The following ZNF385D variants were observed in gnomAD, a reference collection of about 807,000 sequenced individuals.
The protein encoded by ZNF385D is zinc finger protein 385D, also known as zinc finger protein 659.
A neutral mutation model predicts 35.8 loss-of-function variants in ZNF385D; 15 were observed. The observed-to-expected ratio is 0.42, with a 90% CI of 0.28 to 0.64. The LOEUF is 0.64. Among genes scored for constraint, ZNF385D ranks in the 30% least tolerant of loss-of-function variants. The pLI, the probability that ZNF385D is intolerant of heterozygous loss-of-function variation, is 0.23. For synonymous variants in ZNF385D, 212 were observed against 186.8 expected (o/e 1.13, Z -1.10); for missense variants, 474 against 494.6 (o/e 0.96, Z 0.39).
At chr3:22,083,320 A>T (rs1184348314) in intron 3 of ZNF385D, among the ~76,000 whole-genome samples, 2 of 152,214 alleles carry the variant, frequency 1.3e-5, no homozygotes, top group African/African-American at 4.8e-5. Context: ...CATCGCAAGG[A>T]AGGTAAAAAC....
intron 3 of ZNF385D, among the ~76,000 whole-genome samples, chr3:21,540,971 G>C (rs1379888529): frequency 2.0e-5 from 3 of 152,124 alleles, no homozygotes; most frequent in African/African-American, 7.2e-5. Context: ...ACAGATCCCA[G>C]AGGCAGTATT....
intron 3 of ZNF385D, among the ~76,000 whole-genome samples, chr3:21,540,459 C>A (rs2062145787): frequency 6.6e-6 from 1 of 152,144 alleles, no homozygotes; most frequent in South Asian, 2.1e-4. Flanking sequence ...AGAACTTCTA[C>A]CCAGCTGTAA....
rs1004235559 is a variant in ZNF385D, at chr3:21,499,345, G to C, written c.439+11516C>G. Among the ~76,000 whole-genome samples, 5 of 152,212 alleles carry C rather than the reference G, an allele frequency of 3.3e-5. No homozygotes were observed. In the South Asian group the frequency reaches 1.0e-3, roughly 32 times the overall value. On this transcript the variant is annotated intron_variant, in intron 4 of 7. Coordinates refer to ENST00000281523, the MANE Select transcript of ZNF385D (RefSeq NM_024697.3). ...TCTTTGCAGCAATGTGGATGGAGGC[G>C]GGGGCCATTATCCTAAGCGAACTAA...
chr3:21,667,052 G>C lies in ZNF385D; in HGVS notation c.23-2024C>G, dbSNP rs146364462. On this transcript the variant is annotated intron_variant, in intron 1 of 7. Transcript: ENST00000281523. ...AGATCGCACCACTGTACTTCAGCCTGGGCGACAGAGCAAGACTCTATTTCA... is the reference window on the plus strand; with the variant it reads ...AGATCGCACCACTGTACTTCAGCCTCGGCGACAGAGCAAGACTCTATTTCA... 9.0e-3 allele frequency among the ~76,000 whole-genome samples: 1,374 copies of C among 152,282 alleles called. 16 individuals carry two copies. The highest frequency in any genetic ancestry group is 0.03 in the African/African-American group (1,260 of 41,566).
chr3:21,707,953 G>T (rs1461295129), intron 1 of ZNF385D, among the ~76,000 whole-genome samples: 1 of 152,138 alleles, frequency 6.6e-6, no homozygotes, highest in Non-Finnish European at 1.5e-5. Context: ...CTCTGAGCTG[G>T]GAACAGACAG....
rs1481118171 is a variant in ZNF385D at position 21,689,618 on chromosome 3, A to T, written c.23-24590T>A. 2.0e-5 allele frequency among the ~76,000 whole-genome samples: 3 copies of T among 152,168 alleles called. No individual in the cohort carries two copies. In the South Asian group the frequency reaches 6.2e-4, roughly 32 times the overall value. On this transcript the variant is annotated intron_variant, in intron 1 of 7. Transcript: ENST00000281523. ...TTTGAAAACCTGCTTGCTTCTTAGT[A>T]ATAGCACAGATTATGGAGGAGGTCA...
At chr3:22,185,308 A>G (rs1559436717) in intron 2 of ZNF385D, among the ~76,000 whole-genome samples, 1 of 152,184 alleles carries the variant, frequency 6.6e-6, no homozygotes, top group East Asian at 1.9e-4. Flanking sequence ...ATTGTGTCAT[A>G]CTCGTTTGTA....
chr3:21,827,747 C>G (rs572012416), intron 3 of ZNF385D, among the ~76,000 whole-genome samples: 3 of 152,182 alleles, frequency 2.0e-5, no homozygotes, highest in Non-Finnish European at 4.4e-5. Flanking sequence ...TCAGGAATTA[C>G]AGCTCTAGAA....
At chr3:21,576,881 T>A (rs1182416493) in intron 2 of ZNF385D, among the ~76,000 whole-genome samples, 3 of 152,218 alleles carry the variant, frequency 2.0e-5, no homozygotes, top group Non-Finnish European at 4.4e-5. Flanking sequence ...TATTTTTAAT[T>A]GATACATAAT....
chr3:22,234,516 C>T (rs567220348), intron 2 of ZNF385D, among the ~76,000 whole-genome samples: 3 of 151,742 alleles, frequency 2.0e-5, no homozygotes, highest in Non-Finnish European at 2.9e-5. Flanking sequence ...TTGTTTCATT[C>T]TTCTCTTTGA....
intron 7 of ZNF385D, among the ~76,000 whole-genome samples, chr3:21,423,428 TAACAA>T (rs949762650): frequency 5.3e-5 from 8 of 152,142 alleles, no homozygotes; most frequent in Non-Finnish European, 8.8e-5. Context: ...AGAAACAAAC[TAACAA>T]AACAAAATAA....
At chr3:22,290,183 C>A (rs879481754) in intron 2 of ZNF385D, among the ~76,000 whole-genome samples, 4 of 152,098 alleles carry the variant, frequency 2.6e-5, no homozygotes, top group South Asian at 2.1e-4. Flanking sequence ...GTGGCCTGAA[C>A]CTTTGTCTCT....
chr3:22,034,215 C>T (rs188017764), intron 3 of ZNF385D, among the ~76,000 whole-genome samples: 318 of 152,222 alleles, frequency 2.1e-3, no homozygotes, highest in Non-Finnish European at 3.7e-3. Flanking sequence ...GTCTTCAGGG[C>T]GAAGTTCTCG....
intron 2 of ZNF385D, among the ~76,000 whole-genome samples, chr3:21,593,200 G>C (rs1306866556): frequency 6.6e-6 from 1 of 152,088 alleles, no homozygotes; most frequent in African/African-American, 2.4e-5. Flanking sequence ...TTTACAATGA[G>C]GACTCTGGCT....
intron 3 of ZNF385D, among the ~76,000 whole-genome samples, chr3:21,994,121 G>A (rs1264073558): frequency 2.6e-5 from 4 of 152,112 alleles, no homozygotes. Context: ...CTGGGATATG[G>A]TTTTCCTTGC....
rs71976575 is a variant in ZNF385D, at chr3:21,511,823, A to ATTT, written c.277-803_277-801dup. Reference sequence around the variant, plus strand: ...TCTCATGTTTTATTTTCCTAAGAGCATTTTTTTTTTTTGTGGGGGAGCGGT... The same window carrying ATTT: ...TCTCATGTTTTATTTTCCTAAGAGCATTTTTTTTTTTTTTTGTGGGGGAGCGGT... On this transcript the variant is annotated intron_variant, in intron 3 of 7. Coordinates refer to ENST00000281523, the MANE Select transcript of ZNF385D (RefSeq NM_024697.3). The ATTT allele has an allele frequency of 4.7e-3, 1,920 of 406,288 alleles. 30 individuals are homozygous for ATTT. Among genetic ancestry groups the ATTT allele is most frequent in the African/African-American group, 0.038 (1,778 of 46,374 alleles). The allele number at this position is 406,288 out of a possible 1,614,324, so 25.2% of individuals were successfully genotyped here. A position where few individuals can be genotyped will look rare whatever the true frequency, so the allele number is the denominator to read the frequency against.
At chr3:21,660,015 A>G (rs1376651133) in intron 2 of ZNF385D, among the ~76,000 whole-genome samples, 1 of 152,040 alleles carries the variant, frequency 6.6e-6, no homozygotes, top group Non-Finnish European at 1.5e-5. Context: ...CGACTTGTTG[A>G]TCAAAACCCA....
At chr3:22,183,547 G>A (rs1407499864) in intron 2 of ZNF385D, among the ~76,000 whole-genome samples, 3 of 151,884 alleles carry the variant, frequency 2.0e-5, no homozygotes, top group African/African-American at 4.8e-5. Context: ...TAGTAGAGAC[G>A]GTGTTTCACC....
At chr3:21,746,566 G>A (rs1009395283) in intron 1 of ZNF385D, among the ~76,000 whole-genome samples, 2 of 152,148 alleles carry the variant, frequency 1.3e-5, no homozygotes, top group African/African-American at 4.8e-5. Context: ...TAATTTAGAT[G>A]TATTTGTAAT....
Sources: gnomAD v4.1 joint callset for allele counts (sites outside exome capture counted in the v4.1 genomes callset) on GRCh38, gnomAD v4.1.1 for gene constraint, MANE v1.5 for transcripts, NCBI Gene and HGNC (gene_info 2026-07-23, HGNC 2026-07-21) for gene names.